The following KANSL1L variants were observed in gnomAD, a reference collection of about 807,000 sequenced individuals.
KANSL1L encodes the protein KAT8 regulatory NSL complex subunit 1-like protein.
In KANSL1L, 25 loss-of-function variants were observed where a neutral mutation model predicts 108.6. That is an observed-to-expected ratio of 0.23 (90% confidence interval 0.17 to 0.32). The LOEUF is 0.32. KANSL1L is among the 10% of genes least tolerant of loss of function. The pLI, the probability that KANSL1L is intolerant of heterozygous loss-of-function variation, is 1.00. For missense variants in KANSL1L, 1,137 were observed against 1,125.7 expected (o/e 1.01, Z -0.14); for synonymous variants, 405 against 395.1 (o/e 1.03, Z -0.30).
intron 3 of KANSL1L, among the ~76,000 whole-genome samples, chr2:210,111,939 T>G (rs2094909876): frequency 6.9e-6 from 1 of 144,564 alleles, no homozygotes; most frequent in Non-Finnish European, 1.5e-5. Flanking sequence ...TGTGTTCATG[T>G]GTTCTCATTG....
chr2:210,027,428 G>T, intron 11 of KANSL1L, 78 bp from the exon 12 acceptor site: 1 of 896,480 alleles, frequency 1.1e-6, no homozygotes, highest in Non-Finnish European at 1.9e-6. Context: ...ACAGCTAAAT[G>T]TATTAGTGTT....
chr2:210,139,546 C>T (rs1381145353), intron 2 of KANSL1L, among the ~76,000 whole-genome samples: 1 of 152,126 alleles, frequency 6.6e-6, no homozygotes, highest in Non-Finnish European at 1.5e-5. Flanking sequence ...TTCCTTTTAT[C>T]TGTATCCTCT....
chr2:210,153,341 G>A (rs1005687434), intron 2 of KANSL1L, 154 bp downstream of exon 2: 58 of 622,598 alleles, frequency 9.3e-5, no homozygotes, highest in Middle Eastern at 4.5e-4. Context: ...GCGACAGAGC[G>A]AGACTCTGTC....
chr2:210,081,938 G>GT (rs561885076), intron 5 of KANSL1L, among the ~76,000 whole-genome samples: 2 of 152,128 alleles, frequency 1.3e-5, no homozygotes, highest in Non-Finnish European at 2.9e-5. Context: ...CAAAGTTAGG[G>GT]TTTTTTGTTT....
intron 6 of KANSL1L, among the ~76,000 whole-genome samples, chr2:210,052,302 C>T (rs753600173): frequency 1.3e-5 from 2 of 152,060 alleles, no homozygotes; most frequent in Non-Finnish European, 2.9e-5. Flanking sequence ...CACACTAGGC[C>T]TTATTTTAAA....
chr2:210,045,023 A>C (rs1280724123), intron 6 of KANSL1L, among the ~76,000 whole-genome samples: 1 of 152,066 alleles, frequency 6.6e-6, no homozygotes, highest in Non-Finnish European at 1.5e-5. Context: ...GCCTGCCTCC[A>C]TCTCCCAAAG....
chr2:210,151,049 C>T (rs2095299765), intron 2 of KANSL1L, among the ~76,000 whole-genome samples: 1 of 151,996 alleles, frequency 6.6e-6, no homozygotes, highest in African/African-American at 2.4e-5. Context: ...GAGTTTTACT[C>T]CCGTCACACA....
chr2:210,075,626 G>T lies in KANSL1L; in HGVS notation c.1681C>A (p.Arg561=), dbSNP rs779440885. 1 of 1,613,764 alleles carries T rather than the reference G, an allele frequency of 6.2e-7. No homozygotes were observed. Among genetic ancestry groups the T allele is most frequent in the Non-Finnish European group, 8.5e-7 (1 of 1,179,900 alleles). ...SSLTFMSTSA[R]TRPLQSFHKR... The stretch of plus-strand genomic sequence containing the variant: ...TGGAAACTCTGAAGTGGCCTTGTTC[G>T]GGCTGATGTACTCATGAAAGTCAAG... The change falls in exon 6 of 15, where the codon CGA becomes AGA. Residue 561 remains arginine, a synonymous_variant. Coordinates refer to ENST00000281772, the MANE Select transcript of KANSL1L (RefSeq NM_152519.4).
intron 3 of KANSL1L, among the ~76,000 whole-genome samples, chr2:210,121,453 C>A (rs1221126459): frequency 1.3e-5 from 2 of 152,094 alleles, no homozygotes; most frequent in Admixed American, 1.3e-4. Flanking sequence ...GATGAGAGAA[C>A]ATGAACACAT....
At chr2:210,065,131 TA>T (rs564956272) in intron 6 of KANSL1L, among the ~76,000 whole-genome samples, 77 of 150,812 alleles carry the variant, frequency 5.1e-4, no homozygotes, top group African/African-American at 1.8e-3. Context: ...CCATCTCTAC[TA>T]AAAATACAAA....
chr2:210,030,641 A>G (rs2094004394), intron 9 of KANSL1L: 1 of 151,740 alleles, frequency 6.6e-6, no homozygotes, highest in Non-Finnish European at 1.5e-5. Flanking sequence ...CATAATATAA[A>G]ATCTAATACC....
chr2:210,089,036 G>T, intron 5 of KANSL1L: 1 of 166,960 alleles, frequency 6.0e-6, no homozygotes, highest in South Asian at 1.6e-4. Flanking sequence ...CTGATGAATG[G>T]AATTTACCCT....
chr2:210,107,832 C>A (rs2094865402), intron 3 of KANSL1L, among the ~76,000 whole-genome samples: 1 of 152,046 alleles, frequency 6.6e-6, no homozygotes, highest in Admixed American at 6.6e-5. Context: ...CATGCCTGGC[C>A]TTCTCCTCTG....
intron 1 of KANSL1L, among the ~76,000 whole-genome samples, chr2:210,160,541 G>A (rs1336672532): frequency 6.6e-6 from 1 of 152,014 alleles, no homozygotes; most frequent in Admixed American, 6.5e-5. Flanking sequence ...TAAAAAACTA[G>A]AAATAGAAAT....
chr2:210,167,244 A>G (rs988712071), intron 1 of KANSL1L, among the ~76,000 whole-genome samples: 10 of 152,064 alleles, frequency 6.6e-5, no homozygotes, highest in Non-Finnish European at 2.9e-5. Context: ...TTACTGCAGT[A>G]AACACTGCAA....
intron 1 of KANSL1L, among the ~76,000 whole-genome samples, chr2:210,164,866 T>G (rs986280525): frequency 9.4e-5 from 14 of 149,576 alleles, no homozygotes; most frequent in Non-Finnish European, 1.6e-4. Context: ...TTTTTTTTTT[T>G]TTGTTTTTTT....
In KANSL1L at chr2:210,022,955, A is replaced by T. The variant is rs377217595; in HGVS notation, c.2958T>A (p.Asn986Lys). The T allele has an allele frequency of 1.1e-5, 17 of 1,601,488 alleles. No individual in the cohort carries two copies. The African/African-American group carries it at 1.6e-4, about 15-fold the overall frequency. The change falls in exon 15 of 15, where the codon AAT becomes AAA. Residue 986 changes from asparagine (N) to lysine (K), a missense_variant. Asn to Lys is a moderately conservative substitution (Grantham distance 94). Transcript: ENST00000281772. Reference sequence around the variant, plus strand: ...TTTCTTAACCTGTTCCCTGTCACCTATTTTTTTTAACATTAGTAAGTCCTA... The same window carrying T: ...TTTCTTAACCTGTTCCCTGTCACCTTTTTTTTTTAACATTAGTAAGTCCTA... ...FGLGLTNVKK[N>K]R
At chr2:210,026,381 T>G (rs1422582070) in intron 12 of KANSL1L, 1 of 152,216 alleles carries the variant, frequency 6.6e-6, no homozygotes, top group Non-Finnish European at 1.5e-5. Context: ...ACCCCTTACC[T>G]GCAATTCCAA....
At chr2:210,092,744 T>C (rs2094702811) in intron 5 of KANSL1L, among the ~76,000 whole-genome samples, 1 of 152,188 alleles carries the variant, frequency 6.6e-6, no homozygotes, top group Non-Finnish European at 1.5e-5. Flanking sequence ...TGGCAAATTA[T>C]TCATGAGGAT....
Sources: gnomAD v4.1 joint callset for allele counts (sites outside exome capture counted in the v4.1 genomes callset) on GRCh38, gnomAD v4.1.1 for gene constraint, MANE v1.5 for transcripts, NCBI Gene and HGNC (gene_info 2026-07-23, HGNC 2026-07-21) for gene names.